BANP: variants seen among roughly 807,000 people sequenced by gnomAD.
The protein encoded by BANP is protein BANP.
Under a neutral mutation model 68.1 loss-of-function variants are expected in BANP, and 11 were observed. The observed-to-expected ratio is 0.16, with a 90% CI of 0.10 to 0.27. The LOEUF (loss-of-function observed/expected upper bound fraction) is 0.27. Ranked by LOEUF, BANP falls within the 10% of genes least tolerant of loss-of-function variation. The probability of loss-of-function intolerance (pLI) is 1.00; values close to 1 mark genes in which losing one functional copy is unlikely to be tolerated. For missense variants in BANP, 504 were observed against 722.7 expected (o/e 0.70, Z 3.47); for synonymous variants, 329 against 303.2 (o/e 1.09, Z -0.88).
chr16:88,064,386 C>T lies in BANP; in HGVS notation c.1312-881C>T, dbSNP rs552203384. Among the ~76,000 whole-genome samples, 1 of 152,332 alleles carries T rather than the reference C, an allele frequency of 6.6e-6. No individual in the cohort carries two copies. Among genetic ancestry groups the T allele is most frequent in the African/African-American group, 2.4e-5 (1 of 41,580 alleles). On this transcript the variant is annotated intron_variant, in intron 11 of 13. Coordinates refer to ENST00000682872, the MANE Select transcript of BANP (RefSeq NM_001386991.1). The surrounding 1 kb of genome is among the most constrained non-coding windows in gnomAD (Gnocchi z 4.5). Reference sequence around the variant, plus strand: ...TTAGCATGCTTGGAAGCAGTGGTGGCATCATGGAGCTGGGAGAGTGGCTTT... The same window carrying T: ...TTAGCATGCTTGGAAGCAGTGGTGGTATCATGGAGCTGGGAGAGTGGCTTT...
intron 2 of BANP, chr16:87,978,527 A>G (rs2062625326): frequency 4.5e-6 from 2 of 447,446 alleles, no homozygotes; most frequent in South Asian, 1.6e-5. Flanking sequence ...ACTTGTAGGC[A>G]TGGAGTTTTA....
chr16:87,966,682 T>C (rs1007715026), intron 1 of BANP: 1 of 152,220 alleles, frequency 6.6e-6, no homozygotes, highest in Non-Finnish European at 1.5e-5. Flanking sequence ...AGCAAAAAGC[T>C]TGAATTGGGC....
intron 11 of BANP, among the ~76,000 whole-genome samples, chr16:88,051,226 C>A (rs1376013945): frequency 6.6e-6 from 1 of 152,186 alleles, no homozygotes; most frequent in Non-Finnish European, 1.5e-5. Flanking sequence ...CCCCCTCGAA[C>A]CTCTGTGGAA....
rs1483821455 is a variant in BANP at position 87,991,465 on chromosome 16, G to A, written c.362+7206G>A. Among the ~76,000 whole-genome samples the A allele has an allele frequency of 2.0e-5, 3 of 152,214 alleles. No individual in the cohort carries two copies. In the East Asian group the frequency reaches 5.8e-4, roughly 29 times the overall value. ...AGAACTCATTGATTGGCATCGTATT[G>A]AATCTGTAGATCAATTTGGGGGAAG... On this transcript the variant is annotated intron_variant, in intron 4 of 13. Transcript: ENST00000682872.
At position 88,035,319 on chromosome 16, in the gene BANP, G is replaced by T; in HGVS notation, c.1201-4G>T. The stretch of plus-strand genomic sequence containing the variant: ...ATGCTTCTTGGTGTCTTTTCTTGCT[G>T]CGGATCCCACAGGGACACCTCCACA... On this transcript the variant is annotated splice_region_variant and splice_polypyrimidine_tract_variant and intron_variant, in intron 9 of 13. Transcript: ENST00000682872. 2 of 1,607,400 alleles carry T rather than the reference G, an allele frequency of 1.2e-6. No individual in the cohort carries two copies. The highest frequency in any genetic ancestry group is 1.7e-6 in the Non-Finnish European group (2 of 1,177,304).
chr16:87,990,311 T>A (rs7191387), intron 4 of BANP, among the ~76,000 whole-genome samples: 97,787 of 152,024 alleles, frequency 0.64, 31,938 homozygotes, highest in African/African-American at 0.72. Context: ...GGAAATTTTT[T>A]AAAGTGTGAT....
intron 1 of BANP, among the ~76,000 whole-genome samples, chr16:87,954,030 C>T (rs181049575): frequency 2.6e-5 from 4 of 152,248 alleles, no homozygotes; most frequent in Non-Finnish European, 5.9e-5. Context: ...GCCGGGGACT[C>T]TGACTCTGGT....
At chr16:87,999,251 CT>C (rs1256948747) in intron 4 of BANP, among the ~76,000 whole-genome samples, 1 of 140,316 alleles carries the variant, frequency 7.1e-6, no homozygotes. Flanking sequence ...CGCGGCTGTA[CT>C]TACCTGTCCT....
At chr16:88,012,511 C>T (rs1281481670) in intron 6 of BANP, among the ~76,000 whole-genome samples, 1 of 152,194 alleles carries the variant, frequency 6.6e-6, no homozygotes, top group Admixed American at 6.5e-5. Flanking sequence ...CCGTGCAGCC[C>T]AGTGACTCGC....
intron 6 of BANP, chr16:88,017,431 C>G (rs1315321769): frequency 6.6e-6 from 1 of 152,308 alleles, no homozygotes; most frequent in Non-Finnish European, 1.5e-5. Context: ...CGTTTATGAT[C>G]ATCTGTGGAG....
chr16:87,955,291 G>A (rs2057818316), intron 1 of BANP, among the ~76,000 whole-genome samples: 1 of 152,208 alleles, frequency 6.6e-6, no homozygotes, highest in Non-Finnish European at 1.5e-5. Flanking sequence ...AGCATCACTT[G>A]GGTATTTGTG....
chr16:87,955,505 C>T (rs1034255747), intron 1 of BANP, among the ~76,000 whole-genome samples: 2 of 152,216 alleles, frequency 1.3e-5, no homozygotes, highest in Admixed American at 1.3e-4. Context: ...AGAAAGTTCA[C>T]AGCATTATTG....
At chr16:87,965,914 T>A (rs909636872) in intron 1 of BANP, among the ~76,000 whole-genome samples, 2 of 151,576 alleles carry the variant, frequency 1.3e-5, no homozygotes, top group Non-Finnish European at 2.9e-5. Context: ...GACAGGAGAG[T>A]GGGGCTCGTG....
intron 1 of BANP, among the ~76,000 whole-genome samples, chr16:87,971,465 A>G (rs11645830): frequency 0.35 from 52,897 of 151,378 alleles, 10,507 homozygotes; most frequent in Non-Finnish European, 0.47. Context: ...CTTGGCTCAC[A>G]TATCTTTCCT....
intron 5 of BANP, among the ~76,000 whole-genome samples, chr16:88,005,190 G>A (rs1457735021): frequency 6.6e-6 from 1 of 152,158 alleles, no homozygotes; most frequent in African/African-American, 2.4e-5. Flanking sequence ...GTTGGTGATG[G>A]GCGGTGAGGA....
rs1440499484 is a variant in BANP at position 88,036,211 on chromosome 16, G to C, written c.1272+817G>C. Among the ~76,000 whole-genome samples, 4 of 152,234 alleles carry C rather than the reference G, an allele frequency of 2.6e-5. No homozygotes were observed. The highest frequency in any genetic ancestry group is 5.9e-5 in the Non-Finnish European group (4 of 68,048). On this transcript the variant is annotated intron_variant, in intron 10 of 13. Transcript: ENST00000682872. The surrounding 1 kb of genome is among the most constrained non-coding windows in gnomAD (Gnocchi z 4.2). ...GCTCTGGGGGATGAGGAACATGGCTGTTTCTAGGTCGTGACAATGGCACCA... is the reference window on the plus strand; with the variant it reads ...GCTCTGGGGGATGAGGAACATGGCTCTTTCTAGGTCGTGACAATGGCACCA...
intron 12 of BANP, among the ~76,000 whole-genome samples, chr16:88,065,540 C>T (rs1472704451): frequency 6.6e-6 from 1 of 152,174 alleles, no homozygotes; most frequent in African/African-American, 2.4e-5. Flanking sequence ...ACCTGGGTGT[C>T]TTTGTGGGGT....
At chr16:88,033,843 T>C (rs1228867353) in intron 9 of BANP, among the ~76,000 whole-genome samples, 1 of 152,114 alleles carries the variant, frequency 6.6e-6, no homozygotes, top group Non-Finnish European at 1.5e-5. Flanking sequence ...TGCTCCCGGG[T>C]GAAGTCCCTC....
chr16:88,045,179 A>T (rs917470945), intron 11 of BANP, among the ~76,000 whole-genome samples: 2 of 152,246 alleles, frequency 1.3e-5, no homozygotes, highest in African/African-American at 4.8e-5. Context: ...CATCTAGATC[A>T]GGAAAATTAG....
Sources: allele counts gnomAD v4.1 joint callset (sites outside exome capture counted in the v4.1 genomes callset), GRCh38; gene constraint gnomAD v4.1.1; non-coding constraint Gnocchi (gnomAD v3.1); transcripts MANE v1.5; gene names NCBI Gene and HGNC (gene_info 2026-07-23, HGNC 2026-07-21).